Variants in FANCD2 observed in about 807,000 individuals in gnomAD.
FANCD2 encodes Fanconi anemia group D2 protein.
FANCD2 carries 131 observed loss-of-function variants against 192.3 expected under a neutral mutation model. That is an observed-to-expected ratio of 0.68 (90% CI 0.59 to 0.79). The LOEUF (loss-of-function observed/expected upper bound fraction) is 0.79. Among genes scored for constraint, FANCD2 ranks in the 30% least tolerant of loss-of-function variants. The pLI is 0.00. For missense variants in FANCD2, 1,508 were observed against 1,701.6 expected (o/e 0.89, Z 2.00); for synonymous variants, 524 against 612.5 (o/e 0.86, Z 2.13).
chr3:10,070,223 C>T (rs1004826435), intron 26 of FANCD2, among the ~76,000 whole-genome samples: 5 of 149,054 alleles, frequency 3.4e-5, no homozygotes, highest in South Asian at 4.3e-4. Flanking sequence ...CCCCTCTGCC[C>T]GGCAGCCGCC....
intron 19 of FANCD2, among the ~76,000 whole-genome samples, chr3:10,061,007 G>A (rs2087551172): frequency 2.0e-5 from 3 of 152,134 alleles, no homozygotes. Flanking sequence ...CACAATGGTG[G>A]GAGCAAAGAA....
At chr3:10,048,496 C>T (rs78300723) in intron 16 of FANCD2, among the ~76,000 whole-genome samples, 4 of 140,502 alleles carry the variant, frequency 2.8e-5, no homozygotes, top group East Asian at 4.5e-4. Flanking sequence ...GTAGACACAG[C>T]GTTTCACCAT....
intron 3 of FANCD2, among the ~76,000 whole-genome samples, chr3:10,034,222 G>T (rs553363014): frequency 6.0e-5 from 9 of 151,002 alleles, no homozygotes; most frequent in Non-Finnish European, 7.4e-5. Flanking sequence ...TACTTGGGGG[G>T]GCTGAGGCAG....
intron 3 of FANCD2, 145 bp from the exon 4 acceptor site, chr3:10,034,324 C>CAAAAAAAAA (rs879221957): frequency 1.7e-5 from 7 of 418,246 alleles, no homozygotes; most frequent in African/African-American, 8.5e-5. Context: ...AACTCCATCT[C>CAAAAAAAAA]AAAAAAAAAA....
Position 10,048,046 on chromosome 3 carries a change from C to T in FANCD2, c.1408C>T (p.Gln470Ter), listed in dbSNP as rs1249534623. The T allele has an allele frequency of 6.2e-7, 1 of 1,614,250 alleles. No individual in the cohort carries two copies. Among genetic ancestry groups the T allele is most frequent in the South Asian group, 1.1e-5 (1 of 91,086 alleles). ...ATTTAAGTTTTTTGACACGTACTGC[C>T]AGCAGGTATGTTGAAACATTTATTT... ...YAFKFFDTYC[Q>*]QEVVGALVTH... is the part of the protein sequence containing the mutation. Residue 470 changes from glutamine (Q) to a stop codon, truncating the protein, a stop_gained, in exon 16 of 44, where the codon CAG becomes TAG. Coordinates refer to ENST00000675286, the MANE Select transcript of FANCD2 (RefSeq NM_001018115.3). LOFTEE classifies it high-confidence loss of function.
chr3:10,028,574 C>T, intron 1 of FANCD2, 51 bp from the exon 2 acceptor site: 2 of 1,238,930 alleles, frequency 1.6e-6, no homozygotes, highest in Non-Finnish European at 1.2e-6. Context: ...GCTTTAACTT[C>T]TCAGAATTTA....
At chr3:10,088,305 TTG>T in intron 34 of FANCD2, 142 bp from the exon 35 acceptor site, 1 of 700,356 alleles carries the variant, frequency 1.4e-6, no homozygotes, top group Non-Finnish European at 2.6e-6. Context: ...TGACAGCTTT[TTG>T]TAAGTTGCCT....
Position 10,085,865 on chromosome 3 carries a change from T to A in FANCD2, c.3278T>A (p.Val1093Asp), listed in dbSNP as rs1000254003. ...AATTTACTGTATTCAGCCCTCCATG[T>A]CCTTAGTAGCCGACTGAAACAGGGA... ...NQNLLYSALH[V>D]LSSRLKQGEH... is the part of the protein sequence containing the mutation. The change falls in exon 33 of 44, where the codon GTC (valine) becomes GAC (aspartate). Residue 1093 changes from valine (V) to aspartate (D), a missense_variant. This residue lies in a region of FANCD2 where 796 missense variants were observed against 879.4 expected (regional missense o/e 0.91). Transcript: ENST00000675286. 5 of 1,613,944 alleles carry A rather than the reference T, an allele frequency of 3.1e-6. No individual in the cohort carries two copies. The Admixed American group carries it at 5.0e-5, about 16-fold the overall frequency.
At position 10,035,178 on chromosome 3, in the gene FANCD2, G is replaced by T. The variant is rs760551106; in HGVS notation, c.383G>T (p.Gly128Val). The change falls in exon 6 of 44, where the codon GGT becomes GTT. Residue 128 changes from glycine to valine, a missense_variant. By Grantham distance (109) the Gly-to-Val change is moderately radical. Around this residue, in one of 5 missense-constraint regions of FANCD2, gnomAD observed 435 missense variants for 421.9 expected, o/e 1.03. Coordinates refer to ENST00000675286, the MANE Select transcript of FANCD2 (RefSeq NM_001018115.3). ...GATTTCTTTTTTTTTTACAGTATGG[G>T]TGCATCTTATTCTAAGAGTCTCATC... ...ERLQDEEASMGASYSKSLIKL... is the reference protein window; with the variant it reads ...ERLQDEEASMVASYSKSLIKL... 6.2e-7 allele frequency: 1 copy of T among 1,612,360 alleles called. No homozygotes were observed. The highest frequency in any genetic ancestry group is 8.5e-7 in the Non-Finnish European group (1 of 1,178,894).
At chr3:10,092,042 G>A in intron 37 of FANCD2, 139 bp from the exon 38 acceptor site, 1 of 777,418 alleles carries the variant, frequency 1.3e-6, no homozygotes, top group Non-Finnish European at 2.4e-6. Context: ...TCTTGTGGAT[G>A]CACTGGTTGC....
intron 14 of FANCD2, among the ~76,000 whole-genome samples, chr3:10,046,055 C>CTTTTCTTTTTTT (rs2086997168): frequency 4.0e-5 from 5 of 124,420 alleles, no homozygotes; most frequent in Non-Finnish European, 8.3e-5. Flanking sequence ...GCTCTGTATT[C>CTTTTCTTTTTTT]TTTTTTTTTT....
intron 41 of FANCD2, among the ~76,000 whole-genome samples, chr3:10,096,002 C>A (rs1468983145): frequency 6.6e-6 from 1 of 150,614 alleles, no homozygotes; most frequent in Non-Finnish European, 1.5e-5. Flanking sequence ...TTAAGGAATT[C>A]TCTTAGCTAA....
intron 17 of FANCD2, among the ~76,000 whole-genome samples, chr3:10,049,855 G>C (rs544797360): frequency 6.6e-6 from 1 of 152,348 alleles, no homozygotes; most frequent in South Asian, 2.1e-4. Context: ...GAGGCAATGT[G>C]AGTGATTGCT....
chr3:10,037,418 G>A (rs2086759326), intron 7 of FANCD2: 1 of 152,128 alleles, frequency 6.6e-6, no homozygotes, highest in South Asian at 2.1e-4. Flanking sequence ...ATTAGTTCAG[G>A]CATCGATTCG....
Position 10,093,335 on chromosome 3 carries a change from A to C in FANCD2, c.3888+12A>C. ...ATGTATGTTTGAAGGTGAGAGATTT[A>C]CTGGGCCCTGTTTCATATTTATTCT... On this transcript the variant is annotated intron_variant, in intron 39 of 43. Coordinates refer to ENST00000675286, the MANE Select transcript of FANCD2 (RefSeq NM_001018115.3). 1.2e-6 allele frequency: 2 copies of C among 1,603,820 alleles called. No individual in the cohort carries two copies. The highest frequency in any genetic ancestry group is 1.7e-6 in the Non-Finnish European group (2 of 1,170,596).
chr3:10,087,113 G>A, intron 33 of FANCD2, 21 bp from the exon 34 acceptor site: 1 of 1,613,648 alleles, frequency 6.2e-7, no homozygotes, highest in South Asian at 1.1e-5. Context: ...GCATTTGTTT[G>A]TTTTTCTTGT....
At chr3:10,067,682 C>G (rs2087759454) in intron 26 of FANCD2, among the ~76,000 whole-genome samples, 1 of 152,086 alleles carries the variant, frequency 6.6e-6, no homozygotes, top group African/African-American at 2.4e-5. Context: ...CCTGTAATCC[C>G]AACTACTTGG....
At chr3:10,038,969 A>T (rs1416547965) in intron 7 of FANCD2, among the ~76,000 whole-genome samples, 4 of 152,156 alleles carry the variant, frequency 2.6e-5, no homozygotes, top group African/African-American at 4.8e-5. Context: ...TTTAAGATTT[A>T]TTAACATTGT....
chr3:10,084,181 A>T (rs1474491303), intron 32 of FANCD2, among the ~76,000 whole-genome samples: 1 of 151,634 alleles, frequency 6.6e-6, no homozygotes. Flanking sequence ...TTTAGTAGAG[A>T]CGGGGTTTCA....
Sources: allele counts gnomAD v4.1 joint callset (sites outside exome capture counted in the v4.1 genomes callset), GRCh38; gene constraint gnomAD v4.1.1; regional missense constraint gnomAD v4.1.1; transcripts MANE v1.5; gene names NCBI Gene and HGNC (gene_info 2026-07-23, HGNC 2026-07-21).